GCNT3: variants seen among roughly 807,000 people sequenced by gnomAD.
The protein encoded by GCNT3 is glucosaminyl (N-acetyl) transferase 3, mucin type.
For missense variants in GCNT3, 708 were observed against 530.3 expected (o/e 1.34, Z -3.29); for synonymous variants, 269 against 195.2 (o/e 1.38, Z -3.15).
intron 2 of GCNT3, among the ~76,000 whole-genome samples, chr15:59,617,175 TTTC>T (rs2082723653): frequency 1.7e-5 from 2 of 118,022 alleles, no homozygotes; most frequent in African/African-American, 6.2e-5. Flanking sequence ...GTTTTCTTTC[TTTC>T]TTTTTTTTTT....
intron 1 of GCNT3, among the ~76,000 whole-genome samples, chr15:59,613,564 AT>A (rs1216259439): frequency 2.3e-4 from 34 of 149,560 alleles, no homozygotes; most frequent in East Asian, 9.7e-4. Flanking sequence ...AAATAAATAA[AT>A]AAATAAATAA....
In GCNT3 at chr15:59,621,841, C is replaced by G. The variant is rs981470670; in HGVS notation, c.*2286C>G. 3.3e-5 allele frequency: 5 copies of G among 150,454 alleles called. No individual in the cohort carries two copies. The highest frequency in any genetic ancestry group is 7.4e-5 in the Non-Finnish European group (5 of 67,666). 9.3% of individuals were successfully genotyped at this position (150,454 alleles called of 1,614,324 possible). ...TCTGAACTCCTGACCTCAAGTGATC[C>G]ACTTGCCTTGGCTTCCCAAAGTGCT... On this transcript the variant is annotated 3_prime_UTR_variant, in exon 3 of 3. Transcript: ENST00000396065.
chr15:59,620,900 T>TTG lies in GCNT3; in HGVS notation c.*1345_*1346insTG, dbSNP rs1427665363. On this transcript the variant is annotated 3_prime_UTR_variant, in exon 3 of 3. Coordinates refer to ENST00000396065, the MANE Select transcript of GCNT3 (RefSeq NM_004751.3). Reference sequence around the variant, plus strand: ...TTTTTTTTTTTTTTTTTTTTTTTTTTGGAGACAGGTTCTCACTCTGTTGCC... The same window carrying TTG: ...TTTTTTTTTTTTTTTTTTTTTTTTTTTGGGAGACAGGTTCTCACTCTGTTGCC... 1.4e-5 allele frequency: 2 copies of TTG among 144,268 alleles called. No homozygotes were observed. Among genetic ancestry groups the TTG allele is most frequent in the African/African-American group, 2.7e-5 (1 of 36,660 alleles). The allele number at this position is 144,268 out of a possible 1,614,324, so 8.9% of individuals were successfully genotyped here.
In GCNT3 at chr15:59,618,965, C is replaced by G. The variant is rs780910767; in HGVS notation, c.727C>G (p.Leu243Val). 1.3e-5 allele frequency: 21 copies of G among 1,613,978 alleles called. No individual in the cohort carries two copies. In the South Asian group the frequency reaches 1.8e-4, roughly 14 times the overall value. The change falls in exon 3 of 3, where the codon CTC becomes GTC. Residue 243 changes from leucine to valine, a missense_variant. By Grantham distance (32) the Leu-to-Val change is conservative. Transcript: ENST00000396065. ...GAGCAATGCAGAGATGGTCCAGGCT[C>G]TCAAGATGTTGAATGGGAGGAATAG... The part of the protein sequence containing the change: ...IKSNAEMVQA[L>V]KMLNGRNSME...
At chr15:59,614,558 G>C (rs1296386696) in intron 1 of GCNT3, among the ~76,000 whole-genome samples, 1 of 152,178 alleles carries the variant, frequency 6.6e-6, no homozygotes, top group Non-Finnish European at 1.5e-5. Flanking sequence ...AGATCAAATA[G>C]GGTATCTTCC....
Position 59,616,036 on chromosome 15 carries a change from C to T in GCNT3, c.-250-656C>T, listed in dbSNP as rs74979927. Among the ~76,000 whole-genome samples the T allele has an allele frequency of 1.2e-3, 187 of 152,258 alleles. 1 individual carries two copies. The East Asian group carries it at 0.027, about 22-fold the overall frequency. On this transcript the variant is annotated intron_variant, in intron 1 of 2. Transcript: ENST00000396065. ...TAATCTATACCATGGCCAAAACCAC[C>T]CCATGGGGCTCTCACTGAAGTCCAA...
At chr15:59,612,906 G>A (rs1251643657) in intron 1 of GCNT3, among the ~76,000 whole-genome samples, 1 of 151,848 alleles carries the variant, frequency 6.6e-6, no homozygotes, top group East Asian at 1.9e-4. Flanking sequence ...AGAGATGGAG[G>A]GCAATTCTTA....
intron 1 of GCNT3, among the ~76,000 whole-genome samples, chr15:59,613,577 T>TAAATAAAA (rs1187638258): frequency 1.4e-4 from 16 of 115,458 alleles, no homozygotes; most frequent in African/African-American, 3.2e-4. Flanking sequence ...AATAAATAAA[T>TAAATAAAA]AAAAATAAAA....
At chr15:59,615,722 TAAA>T (rs775105632) in intron 1 of GCNT3, among the ~76,000 whole-genome samples, 3 of 141,156 alleles carry the variant, frequency 2.1e-5, no homozygotes, top group Admixed American at 7.1e-5. Flanking sequence ...ATCTCTACTT[TAAA>T]AAAAAAAAAA....
Position 59,619,758 on chromosome 15 carries a change from C to T in GCNT3, c.*203C>T, listed in dbSNP as rs2082739101. On this transcript the variant is annotated 3_prime_UTR_variant, in exon 3 of 3. Transcript: ENST00000396065. ...GGGTGAATGCTGCTTGTTCTCTCAC[C>T]CCTAACCCTAGTAGTTCCTCCACTA... 3.8e-6 allele frequency: 2 copies of T among 531,816 alleles called. No homozygotes were observed. Among genetic ancestry groups the T allele is most frequent in the East Asian group, 3.2e-5 (1 of 31,240 alleles). 32.9% of individuals were successfully genotyped at this position (531,816 alleles called of 1,614,324 possible). A position where few individuals can be genotyped will look rare whatever the true frequency, so the allele number is the denominator to read the frequency against.
chr15:59,613,783 G>A (rs2082707289), intron 1 of GCNT3, among the ~76,000 whole-genome samples: 1 of 151,858 alleles, frequency 6.6e-6, no homozygotes, highest in African/African-American at 2.4e-5. Flanking sequence ...TTTAATCCCA[G>A]CACTTTGGAA....
intron 1 of GCNT3, among the ~76,000 whole-genome samples, chr15:59,612,943 A>T (rs1024160858): frequency 6.6e-6 from 1 of 151,770 alleles, no homozygotes; most frequent in Non-Finnish European, 1.5e-5. Context: ...CATCATAAAC[A>T]TTAACACTTC....
chr15:59,613,570 AAAT>A, intron 1 of GCNT3, among the ~76,000 whole-genome samples: 1 of 145,222 alleles, frequency 6.9e-6, no homozygotes. Context: ...ATAAATAAAT[AAAT>A]AAATAAAAAT....
intron 1 of GCNT3, among the ~76,000 whole-genome samples, chr15:59,612,198 C>G (rs886116742): frequency 6.6e-6 from 1 of 152,170 alleles, no homozygotes; most frequent in Non-Finnish European, 1.5e-5. Context: ...ATGACTGGAA[C>G]TCTTAGACCT....
chr15:59,618,819 G>C lies in GCNT3; in HGVS notation c.581G>C (p.Arg194Pro), dbSNP rs140710881. ...GTCTTCATAGCCAGTAAGCTGGTTC[G>C]GGTGGTTTATGCCTCCTGGTCCAGG... ...PNVFIASKLV[R>P]VVYASWSRVQ... Residue 194 changes from arginine (R) to proline (P), a missense_variant, in exon 3 of 3, where the codon CGG becomes CCG. Arg to Pro is a moderately radical substitution (Grantham distance 103, BLOSUM62 -2). Transcript: ENST00000396065. The C allele has an allele frequency of 1.5e-5, 24 of 1,613,992 alleles. 1 individual carries two copies. The highest frequency in any genetic ancestry group is 3.3e-4 in the Middle Eastern group (2 of 6,084).
At chr15:59,617,338 G>T (rs1286560682) in intron 2 of GCNT3, among the ~76,000 whole-genome samples, 1 of 151,962 alleles carries the variant, frequency 6.6e-6, no homozygotes, top group Non-Finnish European at 1.5e-5. Context: ...CAAAAACACT[G>T]GGGGAGAAGA....
At chr15:59,614,402 G>C (rs2082710374) in intron 1 of GCNT3, among the ~76,000 whole-genome samples, 3 of 151,590 alleles carry the variant, frequency 2.0e-5, no homozygotes, top group African/African-American at 7.3e-5. Flanking sequence ...TAAAGTGAAA[G>C]CAAGTTCATT....
chr15:59,612,131 C>T (rs2082699088), intron 1 of GCNT3, 150 bp downstream of exon 1: 1 of 152,248 alleles, frequency 6.6e-6, no homozygotes, highest in Non-Finnish European at 1.5e-5. Flanking sequence ...AACATCAAAT[C>T]CCACTGGCTT....
rs2082728955 is a variant in GCNT3, at chr15:59,618,294, A to G, written c.56A>G (p.Tyr19Cys). The G allele has an allele frequency of 1.2e-6, 2 of 1,611,694 alleles. No homozygotes were observed. Among genetic ancestry groups the G allele is most frequent in the Non-Finnish European group, 1.7e-6 (2 of 1,179,140 alleles). Residue 19 changes from tyrosine to cysteine, a missense_variant, in exon 3 of 3, where the codon TAT becomes TGT. Tyr to Cys is a radical substitution (Grantham distance 194). Coordinates refer to ENST00000396065, the MANE Select transcript of GCNT3 (RefSeq NM_004751.3). ...QLHYLWALGC[Y>C]MLLATVALKL... is the part of the protein sequence containing the mutation. ...CATTACTTGTGGGCTCTGGGCTGCTATATGCTGCTGGCCACTGTGGCTCTG... is the reference window on the plus strand; with the variant it reads ...CATTACTTGTGGGCTCTGGGCTGCTGTATGCTGCTGGCCACTGTGGCTCTG...
Sources: allele counts gnomAD v4.1 joint callset (sites outside exome capture counted in the v4.1 genomes callset), GRCh38; gene constraint gnomAD v4.1.1; transcripts MANE v1.5; gene names NCBI Gene and HGNC (gene_info 2026-07-23, HGNC 2026-07-21).